The following MGAM variants were observed in gnomAD, a reference collection of about 807,000 sequenced individuals.
MGAM encodes the protein maltase-glucoamylase, also known as alpha-1,4-glucosidase.
A neutral mutation model predicts 358.8 loss-of-function variants in MGAM; 253 were observed. The observed-to-expected ratio is 0.71, with a 90% CI of 0.64 to 0.78. MGAM has a LOEUF of 0.78. Among genes scored for constraint, MGAM ranks in the 30% least tolerant of loss-of-function variants. The probability of loss-of-function intolerance (pLI) is 0.00; values close to 1 mark genes in which losing one functional copy is unlikely to be tolerated. For missense variants in MGAM, 3,080 were observed against 3,432.6 expected (o/e 0.90, Z 2.57); for synonymous variants, 1,105 against 1,227.1 (o/e 0.90, Z 2.08).
At chr7:141,998,737 AG>A (rs782374210) in intron 1 of MGAM, among the ~76,000 whole-genome samples, 3 of 152,216 alleles carry the variant, frequency 2.0e-5, no homozygotes, top group Non-Finnish European at 4.4e-5. Flanking sequence ...GTGTCTTTAT[AG>A]TAGAATGATT....
intron 65 of MGAM, among the ~76,000 whole-genome samples, chr7:142,097,058 A>G (rs1288363245): frequency 6.6e-6 from 1 of 151,906 alleles, no homozygotes; most frequent in Non-Finnish European, 1.5e-5. Context: ...CCTGCCGAGT[A>G]GCTAGGACTA....
At chr7:142,045,395 G>C in intron 21 of MGAM, among the ~76,000 whole-genome samples, 1 of 72,052 alleles carries the variant, frequency 1.4e-5, no homozygotes, top group Non-Finnish European at 2.7e-5. Flanking sequence ...TATAATACAT[G>C]ATATATTATA....
chr7:142,046,375 T>A (rs1401002445), intron 21 of MGAM, among the ~76,000 whole-genome samples: 2 of 151,852 alleles, frequency 1.3e-5, no homozygotes, highest in African/African-American at 2.4e-5. Flanking sequence ...TTTTTTAAGC[T>A]GTGATAATCT....
At chr7:142,053,241 C>T (rs887003582) in intron 26 of MGAM, among the ~76,000 whole-genome samples, 1 of 151,980 alleles carries the variant, frequency 6.6e-6, no homozygotes, top group African/African-American at 2.4e-5. Context: ...TGGGAGGCTA[C>T]CAGTTAGGCA....
At chr7:142,097,496 AG>A in intron 65 of MGAM, 96 bp from the exon 66 acceptor site, 1 of 1,220,676 alleles carries the variant, frequency 8.2e-7, no homozygotes, top group Non-Finnish European at 1.2e-6. Context: ...AGTGGGCCCA[AG>A]GCCATCACAA....
At chr7:142,025,684 C>T (rs532635539) in intron 8 of MGAM, among the ~76,000 whole-genome samples, 3 of 152,172 alleles carry the variant, frequency 2.0e-5, no homozygotes, top group Non-Finnish European at 2.9e-5. Context: ...ATAGAAATGG[C>T]GAGTAAGCAA....
At chr7:142,037,846 T>C (rs1808125746) in intron 18 of MGAM, among the ~76,000 whole-genome samples, 2 of 152,160 alleles carry the variant, frequency 1.3e-5, no homozygotes, top group Non-Finnish European at 2.9e-5. Context: ...AATAAGAACA[T>C]TATGGGAATG....
chr7:142,085,986 G>C lies in MGAM; in HGVS notation c.6636+25G>C. The stretch of plus-strand genomic sequence containing the variant: ...GGTTAGTCCTGATGTGAATGTGTGC[G>C]GTCTGTTTGGGAGCAGGTATGGGTT... On this transcript the variant is annotated intron_variant, in intron 55 of 70. Coordinates refer to ENST00000475668, the MANE Select transcript of MGAM (RefSeq NM_001365693.1). The C allele has an allele frequency of 1.3e-6, 2 of 1,553,184 alleles. 1 individual carries two copies. Among genetic ancestry groups the C allele is most frequent in the Non-Finnish European group, 1.8e-6 (2 of 1,130,472 alleles).
Position 142,094,633 on chromosome 7 carries a change from C to T in MGAM, c.7320C>T (p.Phe2440=). The change falls in exon 62 of 71, where the codon TTC becomes TTT. Residue 2440 remains phenylalanine (F), a synonymous_variant. Coordinates refer to ENST00000475668, the MANE Select transcript of MGAM (RefSeq NM_001365693.1). The part of the protein sequence containing the change: ...LKKSIIGMME[F]SLFGISYTGA... Reference sequence around the variant, plus strand: ...TTCTCGTTGCAGGCATGATGGAGTTCAGCCTCTTCGGCATATCCTATGTGA... The same window carrying T: ...TTCTCGTTGCAGGCATGATGGAGTTTAGCCTCTTCGGCATATCCTATGTGA... The T allele has an allele frequency of 6.2e-7, 1 of 1,610,782 alleles. No individual in the cohort carries two copies. The highest frequency in any genetic ancestry group is 1.1e-5 in the South Asian group (1 of 90,944).
At chr7:142,073,867 C>G (rs902162477) in intron 44 of MGAM, among the ~76,000 whole-genome samples, 1 of 146,126 alleles carries the variant, frequency 6.8e-6, no homozygotes, top group East Asian at 2.0e-4. Flanking sequence ...TTGCCTCCAA[C>G]GTAGATGTTA....
intron 21 of MGAM, 120 bp downstream of exon 21, chr7:142,040,966 C>A: frequency 1.7e-6 from 2 of 1,190,440 alleles, no homozygotes; most frequent in Non-Finnish European, 2.3e-6. Flanking sequence ...ACGACTGTTG[C>A]AGTTTTAGCA....
rs534301777 is a variant in MGAM at position 142,050,760 on chromosome 7, G to C, written c.2701G>C (p.Glu901Gln). Reference protein sequence around the residue: ...YKDPNNLAFNEIKILGTEEPS... With the variant: ...YKDPNNLAFNQIKILGTEEPS... ...GGACCCCAATAATTTAGCATTTAAT[G>C]AGATTAAAATTCTTGGGACGGAGGA... is the stretch of plus-strand genomic sequence containing the variant. Residue 901 changes from glutamate (E) to glutamine (Q), a missense_variant, in exon 24 of 71, where the codon GAG (glutamate) becomes CAG (glutamine). Physicochemically the swap from Glu to Gln is conservative, Grantham distance 29. Coordinates refer to ENST00000475668, the MANE Select transcript of MGAM (RefSeq NM_001365693.1). The C allele has an allele frequency of 1.9e-6, 3 of 1,613,750 alleles. No individual in the cohort carries two copies. In the South Asian group the frequency reaches 3.3e-5, roughly 18 times the overall value.
At chr7:141,998,986 C>A (rs1213015999) in intron 1 of MGAM, among the ~76,000 whole-genome samples, 2 of 152,108 alleles carry the variant, frequency 1.3e-5, no homozygotes, top group African/African-American at 2.4e-5. Flanking sequence ...ATTTACCCCC[C>A]ACTTTTTCTC....
intron 13 of MGAM, 71 bp downstream of exon 13, chr7:142,031,864 A>G (rs1807529320): frequency 1.8e-6 from 2 of 1,083,906 alleles, no homozygotes; most frequent in Non-Finnish European, 2.8e-6. Flanking sequence ...TGTATCTTTG[A>G]GTCACAGAGC....
intron 2 of MGAM, among the ~76,000 whole-genome samples, chr7:141,988,868 C>G (rs1320499494): frequency 6.6e-6 from 1 of 152,198 alleles, no homozygotes; most frequent in African/African-American, 2.4e-5. Context: ...CTCTCACCTT[C>G]CTCTGAACAT....
rs1261197218 is a variant in MGAM, at chr7:142,030,397, G to A, written c.1257G>A (p.Glu419=). ...ATGCTGATATTGATTATATGGATGA[G>A]AGAAGGGACTTCACTTATGATTCAG... ...VQHADIDYMD[E]RRDFTYDSVD... Residue 419 remains glutamate (E), a synonymous_variant, in exon 11 of 71, where the codon GAG becomes GAA. Coordinates refer to ENST00000475668, the MANE Select transcript of MGAM (RefSeq NM_001365693.1). 2.5e-6 allele frequency: 4 copies of A among 1,613,334 alleles called. No individual in the cohort carries two copies. The African/African-American group carries it at 4.0e-5, about 16-fold the overall frequency.
chr7:141,998,373 A>G (rs1279272328), intron 1 of MGAM, among the ~76,000 whole-genome samples: 6 of 152,088 alleles, frequency 3.9e-5, no homozygotes, highest in African/African-American at 1.2e-4. Flanking sequence ...CCCCACATGC[A>G]TTAGGTATTT....
rs192153229 is a variant in MGAM at position 142,022,084 on chromosome 7, A to G, written c.711-184A>G. 8.5e-5 allele frequency among the ~76,000 whole-genome samples: 13 copies of G among 152,304 alleles called. No homozygotes were observed. In the East Asian group the frequency reaches 2.3e-3, roughly 27 times the overall value. ...GGAGACTAATGCAAGAAATTTGCAC[A>G]TGGTCCCTTTCTTCAAGGAGTCCTT... On this transcript the variant is annotated intron_variant, in intron 6 of 70. Coordinates refer to ENST00000475668, the MANE Select transcript of MGAM (RefSeq NM_001365693.1).
intron 30 of MGAM, among the ~76,000 whole-genome samples, 173 bp from the exon 31 acceptor site, chr7:142,058,030 G>A (rs1229268767): frequency 6.6e-6 from 1 of 152,136 alleles, no homozygotes; most frequent in African/African-American, 2.4e-5. Context: ...CTCAAGTCTA[G>A]CAGAAAGCTT....
Sources: gnomAD v4.1 joint callset for allele counts (sites outside exome capture counted in the v4.1 genomes callset) on GRCh38, gnomAD v4.1.1 for gene constraint, MANE v1.5 for transcripts, NCBI Gene and HGNC (gene_info 2026-07-23, HGNC 2026-07-21) for gene names.